DHX37: variants seen among roughly 807,000 people sequenced by gnomAD.
The protein encoded by DHX37 is DEAH-box helicase 37.
A neutral mutation model predicts 134.3 loss-of-function variants in DHX37; 52 were observed. The observed-to-expected ratio is 0.39, with a 90% CI of 0.31 to 0.49. The LOEUF is 0.49. Among genes scored for constraint, DHX37 ranks in the 20% least tolerant of loss-of-function variants. DHX37 has a pLI of 0.93. For missense variants in DHX37, 1,344 were observed against 1,580.8 expected (o/e 0.85, Z 2.54); for synonymous variants, 634 against 670.7 (o/e 0.95, Z 0.85).
Position 124,946,845 on chromosome 12 carries a change from AT to A in DHX37, c.*956del. 6.6e-6 allele frequency: 1 copy of A among 152,346 alleles called. No homozygotes were observed. Among genetic ancestry groups the A allele is most frequent in the East Asian group, 1.9e-4 (1 of 5,180 alleles). The allele number at this position is 152,346 out of a possible 1,614,324, so 9.4% of individuals were successfully genotyped here. ...ACAATCTGGGTGCAAGGAACATTTTATTCCATAACTGTCTCCACCGAAGCCG... is the reference window on the plus strand; with the variant it reads ...ACAATCTGGGTGCAAGGAACATTTTATCCATAACTGTCTCCACCGAAGCCG... On this transcript the variant is annotated 3_prime_UTR_variant, in exon 27 of 27. Transcript: ENST00000308736.
At chr12:124,952,653 T>C in intron 20 of DHX37, 83 bp from the exon 21 acceptor site, 1 of 1,409,290 alleles carries the variant, frequency 7.1e-7, no homozygotes, top group Non-Finnish European at 9.4e-7. Flanking sequence ...GTCCCAACCA[T>C]GCTCAGTGCT....
intron 16 of DHX37, among the ~76,000 whole-genome samples, chr12:124,958,101 A>G (rs1381399746): frequency 6.6e-6 from 1 of 152,250 alleles, no homozygotes; most frequent in African/African-American, 2.4e-5. Flanking sequence ...GTGGTGACAG[A>G]TAAAGGGTAC....
chr12:124,958,709 C>A (rs1040357875), intron 16 of DHX37, among the ~76,000 whole-genome samples: 2 of 152,124 alleles, frequency 1.3e-5, no homozygotes, highest in Non-Finnish European at 2.9e-5. Context: ...TCACTGCAAC[C>A]TCTGCCTCTT....
chr12:124,953,569 G>A, intron 20 of DHX37: 1 of 370,436 alleles, frequency 2.7e-6, no homozygotes, highest in Non-Finnish European at 5.1e-6. Flanking sequence ...GGACATGTGG[G>A]AGGGAAGAGG....
intron 5 of DHX37, among the ~76,000 whole-genome samples, chr12:124,976,398 T>G (rs1055364231): frequency 2.6e-5 from 4 of 152,186 alleles, no homozygotes; most frequent in Admixed American, 2.0e-4. Flanking sequence ...AAAGTGCCAA[T>G]AGCAGGCTAC....
intron 26 of DHX37, 53 bp from the exon 27 acceptor site, chr12:124,947,940 C>T: frequency 6.2e-7 from 1 of 1,611,398 alleles, no homozygotes; most frequent in Middle Eastern, 1.7e-4. Context: ...CCCAGGGACT[C>T]TCCTCAGGTG....
At chr12:124,975,852 G>C (rs953809716) in intron 5 of DHX37, among the ~76,000 whole-genome samples, 1 of 152,172 alleles carries the variant, frequency 6.6e-6, no homozygotes. Context: ...TCCCAGCTCT[G>C]TGGGAACATT....
At chr12:124,968,724 TTATTCCGAATCAAGGTTTC>T (rs1374529867) in intron 9 of DHX37, 76 bp from the exon 10 acceptor site, 2 of 1,608,982 alleles carry the variant, frequency 1.2e-6, no homozygotes, top group East Asian at 4.5e-5. Flanking sequence ...CCTTTCCCCA[TTATTCCGAATCAAGGTTTC>T]TAACACCCCC....
At chr12:124,983,843 C>A (rs1202005996) in intron 2 of DHX37, among the ~76,000 whole-genome samples, 1 of 151,564 alleles carries the variant, frequency 6.6e-6, no homozygotes, top group African/African-American at 2.4e-5. Context: ...CCTACCAAGG[C>A]TCTGGGGACT....
At chr12:124,965,163 G>A (rs1954354868) in intron 13 of DHX37, 157 bp from the exon 14 acceptor site, 1 of 343,180 alleles carries the variant, frequency 2.9e-6, no homozygotes, top group Admixed American at 6.4e-5. Context: ...GGCCAAGCCT[G>A]GGGGAACTGC....
At chr12:124,951,374 G>A (rs879648241) in intron 21 of DHX37, among the ~76,000 whole-genome samples, 1 of 151,836 alleles carries the variant, frequency 6.6e-6, no homozygotes, top group Non-Finnish European at 1.5e-5. Context: ...GACATGAAAA[G>A]CCATGTATGT....
chr12:124,960,890 G>A (rs934297302), intron 15 of DHX37, among the ~76,000 whole-genome samples: 24 of 152,252 alleles, frequency 1.6e-4, no homozygotes, highest in African/African-American at 5.1e-4. Flanking sequence ...AGGAGGCAAA[G>A]GTTGGGGTGA....
intron 2 of DHX37, among the ~76,000 whole-genome samples, chr12:124,984,410 G>A (rs1308082859): frequency 6.6e-6 from 1 of 152,148 alleles, no homozygotes; most frequent in African/African-American, 2.4e-5. Flanking sequence ...GTGCATGCCT[G>A]TAATCCCAGC....
chr12:124,975,466 G>A lies in DHX37; in HGVS notation c.933C>T (p.Ala311=), dbSNP rs1005726149. Residue 311 remains alanine, a synonymous_variant, in exon 6 of 27, where the codon GCC becomes GCT. Coordinates refer to ENST00000308736, the MANE Select transcript of DHX37 (RefSeq NM_032656.4). ...IGVTEPRRVA[A]VAMSQRVAKE... Reference sequence around the variant, plus strand: ...TGGCCACTCGCTGGGACATGGCCACGGCGGCCACTCGGCGGGGCTCCGTGA... The same window carrying A: ...TGGCCACTCGCTGGGACATGGCCACAGCGGCCACTCGGCGGGGCTCCGTGA... 13 of 1,612,870 alleles carry A rather than the reference G, an allele frequency of 8.1e-6. No individual in the cohort carries two copies. The highest frequency in any genetic ancestry group is 1.7e-5 in the Admixed American group (1 of 60,014).
At chr12:124,970,254 G>A (rs145248765) in intron 8 of DHX37, among the ~76,000 whole-genome samples, 10 of 152,332 alleles carry the variant, frequency 6.6e-5, no homozygotes, top group Admixed American at 6.5e-4. Flanking sequence ...GATTACAGGC[G>A]TGAGCCACCG....
At chr12:124,983,372 C>A (rs780206247) in intron 2 of DHX37, among the ~76,000 whole-genome samples, 4 of 151,004 alleles carry the variant, frequency 2.6e-5, no homozygotes, top group Admixed American at 6.6e-5. Context: ...TCTGGGATTA[C>A]AAGCGTGAGC....
At chr12:124,967,005 G>T in intron 11 of DHX37, 118 bp downstream of exon 11, 1 of 1,530,106 alleles carries the variant, frequency 6.5e-7, no homozygotes, top group Non-Finnish European at 9.0e-7. Flanking sequence ...GTGGGGGATG[G>T]CAAAGGTGCT....
chr12:124,987,068 C>T (rs570947616), intron 1 of DHX37, among the ~76,000 whole-genome samples: 6 of 152,098 alleles, frequency 3.9e-5, no homozygotes, highest in East Asian at 1.9e-4. Context: ...TAAGAGTGTA[C>T]GGTGGGGCCG....
chr12:124,986,398 T>A, intron 1 of DHX37, 133 bp from the exon 2 acceptor site: 1 of 993,144 alleles, frequency 1.0e-6, no homozygotes, highest in Non-Finnish European at 1.5e-6. Context: ...AGCTCAAATC[T>A]ATTTTCATAA....
Sources: gnomAD v4.1 joint callset for allele counts (sites outside exome capture counted in the v4.1 genomes callset) on GRCh38, gnomAD v4.1.1 for gene constraint, MANE v1.5 for transcripts, NCBI Gene and HGNC (gene_info 2026-07-23, HGNC 2026-07-21) for gene names.